Variants in DENND1A observed in about 807,000 individuals in gnomAD.
DENND1A encodes DENN domain-containing protein 1A.
Under a neutral mutation model 113.7 loss-of-function variants are expected in DENND1A, and 51 were observed. The observed-to-expected ratio is 0.45, with a 90% CI of 0.36 to 0.57. DENND1A has a LOEUF of 0.57. Ranked by LOEUF, DENND1A falls within the 20% of genes least tolerant of loss-of-function variation. DENND1A has a pLI of 0.00. For missense variants in DENND1A, 1,258 were observed against 1,395.9 expected, an observed-to-expected ratio of 0.90 and a Z score of 1.57; for synonymous variants, 565 against 570.8, an observed-to-expected ratio of 0.99 and a Z score of 0.14.
At chr9:123,392,359 C>T (rs770477639) in intron 21 of DENND1A, among the ~76,000 whole-genome samples, 11 of 152,250 alleles carry the variant, frequency 7.2e-5, no homozygotes, top group South Asian at 4.1e-4. Flanking sequence ...GAGATAAAGA[C>T]GGGGAAAAAT....
intron 21 of DENND1A, among the ~76,000 whole-genome samples, chr9:123,398,686 T>C (rs2043266522): frequency 6.6e-6 from 1 of 150,722 alleles, no homozygotes; most frequent in African/African-American, 2.4e-5. Context: ...CACCATTGGC[T>C]CTTTCTAAGC....
intron 5 of DENND1A, among the ~76,000 whole-genome samples, chr9:123,705,224 A>G (rs1367155161): frequency 6.6e-6 from 1 of 152,216 alleles, no homozygotes; most frequent in Non-Finnish European, 1.5e-5. Context: ...CTAAGACAGA[A>G]TATCTATTTA....
Position 123,619,912 on chromosome 9 carries a change from T to C in DENND1A, c.720-10431A>G, listed in dbSNP as rs187372806. ...CCTAATTTTTCCACCTGGAAAACAG[T>C]TCACATTGAAATTGTCCAGTCTGGG... On this transcript the variant is annotated intron_variant, in intron 10 of 23. Transcript: ENST00000394215. 1.9e-3 allele frequency among the ~76,000 whole-genome samples: 293 copies of C among 152,060 alleles called. 1 individual carries two copies. The highest frequency in any genetic ancestry group is 3.1e-3 in the Non-Finnish European group (209 of 67,958).
chr9:123,520,696 C>T (rs767951783), intron 13 of DENND1A, among the ~76,000 whole-genome samples: 3 of 152,242 alleles, frequency 2.0e-5, no homozygotes, highest in Non-Finnish European at 2.9e-5. Context: ...AATCACTGAA[C>T]TGCCTGCCTC....
chr9:123,554,666 G>C (rs1457928013), intron 13 of DENND1A, among the ~76,000 whole-genome samples: 1 of 152,202 alleles, frequency 6.6e-6, no homozygotes, highest in Non-Finnish European at 1.5e-5. Flanking sequence ...AGGATTGAAA[G>C]GCTGACAGGT....
intron 13 of DENND1A, among the ~76,000 whole-genome samples, chr9:123,460,352 C>A (rs2048433494): frequency 6.6e-6 from 1 of 152,152 alleles, no homozygotes; most frequent in African/African-American, 2.4e-5. Context: ...CAGAGCAGGG[C>A]AATTAATTCT....
At chr9:123,891,956 G>A (rs1406271823) in intron 1 of DENND1A, among the ~76,000 whole-genome samples, 1 of 152,150 alleles carries the variant, frequency 6.6e-6, no homozygotes, top group Admixed American at 6.5e-5. Flanking sequence ...GCAAGGAGGG[G>A]GGACCTAAGC....
At chr9:123,543,963 T>C (rs771218599) in intron 13 of DENND1A, among the ~76,000 whole-genome samples, 3 of 152,224 alleles carry the variant, frequency 2.0e-5, no homozygotes, top group Non-Finnish European at 2.9e-5. Flanking sequence ...TATTGTAAGA[T>C]TTCAAATGCT....
At chr9:123,908,672 G>A (rs1292346307) in intron 1 of DENND1A, among the ~76,000 whole-genome samples, 2 of 151,248 alleles carry the variant, frequency 1.3e-5, no homozygotes, top group African/African-American at 4.9e-5. Flanking sequence ...CAGTTAGAAT[G>A]GCAATCATTA....
chr9:123,429,524 C>A (rs1012969187), intron 19 of DENND1A, among the ~76,000 whole-genome samples: 2 of 152,134 alleles, frequency 1.3e-5, no homozygotes, highest in African/African-American at 2.4e-5. Context: ...CACTGCCCCC[C>A]AGCCTGGGTG....
intron 2 of DENND1A, chr9:123,843,333 T>C (rs1842102981): frequency 2.7e-6 from 1 of 373,496 alleles, no homozygotes; most frequent in Admixed American, 4.1e-5. Flanking sequence ...ATTTTTGTTC[T>C]ATATGGAGCT....
At chr9:123,851,835 C>T (rs1405678978) in intron 2 of DENND1A, among the ~76,000 whole-genome samples, 2 of 152,140 alleles carry the variant, frequency 1.3e-5, no homozygotes, top group African/African-American at 4.8e-5. Context: ...TGTTGACTCA[C>T]TAAACTTTAC....
At chr9:123,917,781 T>C (rs1855431090) in intron 1 of DENND1A, among the ~76,000 whole-genome samples, 1 of 151,998 alleles carries the variant, frequency 6.6e-6, no homozygotes, top group Non-Finnish European at 1.5e-5. Context: ...TCTGGGACAC[T>C]CTGTCATACC....
chr9:123,477,748 A>G (rs947336392), intron 13 of DENND1A, among the ~76,000 whole-genome samples: 6 of 150,004 alleles, frequency 4.0e-5, no homozygotes, highest in African/African-American at 1.5e-4. Flanking sequence ...TTAAAAAAAA[A>G]TAATTAAAAA....
At chr9:123,498,166 C>T (rs10986029) in intron 13 of DENND1A, among the ~76,000 whole-genome samples, 1 of 152,092 alleles carries the variant, frequency 6.6e-6, no homozygotes, top group Non-Finnish European at 1.5e-5. Flanking sequence ...GAGTTCTGTA[C>T]AACATAGGAG....
chr9:123,521,667 G>T (rs1265273073), intron 13 of DENND1A, among the ~76,000 whole-genome samples: 1 of 152,194 alleles, frequency 6.6e-6, no homozygotes, highest in African/African-American at 2.4e-5. Context: ...GTCACCAAAG[G>T]CTGGCCTCCT....
chr9:123,692,815 G>A (rs2065265441), intron 5 of DENND1A, among the ~76,000 whole-genome samples: 1 of 152,122 alleles, frequency 6.6e-6, no homozygotes, highest in African/African-American at 2.4e-5. Flanking sequence ...CCAGTTCTGT[G>A]CTCTGGGCCA....
chr9:123,925,335 T>C (rs976555259), intron 1 of DENND1A, among the ~76,000 whole-genome samples: 3 of 152,142 alleles, frequency 2.0e-5, no homozygotes, highest in African/African-American at 7.2e-5. Flanking sequence ...AGCTGAAACA[T>C]GATCCCCTTG....
chr9:123,414,309 A>G (rs1231481666), intron 19 of DENND1A: 1 of 1,397,382 alleles, frequency 7.2e-7, no homozygotes, highest in Non-Finnish European at 9.3e-7. Flanking sequence ...AACAGACATT[A>G]GCAACCATTA....
Sources: gnomAD v4.1 joint callset for allele counts (sites outside exome capture counted in the v4.1 genomes callset) on GRCh38, gnomAD v4.1.1 for gene constraint, MANE v1.5 for transcripts, NCBI Gene and HGNC (gene_info 2026-07-23, HGNC 2026-07-21) for gene names.